Variants in SLC16A12 observed in about 807,000 individuals in gnomAD.
The protein encoded by SLC16A12 is monocarboxylate transporter 12.
Under a neutral mutation model 42.4 loss-of-function variants are expected in SLC16A12, and 17 were observed. That is an observed-to-expected ratio of 0.40 (90% CI 0.27 to 0.60). SLC16A12 has a LOEUF of 0.60. Among genes scored for constraint, SLC16A12 ranks in the 20% least tolerant of loss-of-function variants. SLC16A12 has a pLI of 0.42. For synonymous variants in SLC16A12, 224 were observed against 229.4 expected (o/e 0.98, Z 0.21); for missense variants, 544 against 623.0 (o/e 0.87, Z 1.35).
At chr10:89,435,765 G>A (rs1195892566) in intron 7 of SLC16A12, among the ~76,000 whole-genome samples, 1 of 151,958 alleles carries the variant, frequency 6.6e-6, no homozygotes, top group African/African-American at 2.4e-5. Context: ...TATTTATAAG[G>A]CTGAACAACT....
intron 2 of SLC16A12, among the ~76,000 whole-genome samples, chr10:89,545,611 A>G (rs1308147551): frequency 6.6e-6 from 1 of 152,240 alleles, no homozygotes; most frequent in Non-Finnish European, 1.5e-5. Flanking sequence ...AGGAAGAATC[A>G]ATATTGTGAA....
chr10:89,489,757 A>G (rs1456254755), intron 2 of SLC16A12, among the ~76,000 whole-genome samples: 1 of 152,220 alleles, frequency 6.6e-6, no homozygotes, highest in Non-Finnish European at 1.5e-5. Flanking sequence ...ATTTTACACT[A>G]TATTTTTGAG....
chr10:89,524,035 T>G (rs2133859051), intron 2 of SLC16A12, among the ~76,000 whole-genome samples: 1 of 152,342 alleles, frequency 6.6e-6, no homozygotes, highest in African/African-American at 2.4e-5. Context: ...TGATTTCAAC[T>G]GAGCTTCTTA....
At chr10:89,547,178 T>G (rs17123580) in intron 2 of SLC16A12, among the ~76,000 whole-genome samples, 2,594 of 152,264 alleles carry the variant, frequency 0.017, 140 homozygotes, top group Admixed American at 0.1. Flanking sequence ...TTAAAAAAAT[T>G]CATGCTGCCT....
chr10:89,526,395 C>T (rs894369124), intron 2 of SLC16A12, among the ~76,000 whole-genome samples: 1 of 152,142 alleles, frequency 6.6e-6, no homozygotes, highest in Non-Finnish European at 1.5e-5. Flanking sequence ...ACTGATAACT[C>T]CCAAGCTATA....
upstream of SLC16A12, among the ~76,000 whole-genome samples, chr10:89,540,014 T>TTCC (rs1564604898): frequency 6.6e-6 from 1 of 150,430 alleles, no homozygotes; most frequent in African/African-American, 2.5e-5. Flanking sequence ...TCCTTCCTTC[T>TTCC]TTCCTTCCTT....
chr10:89,555,405 G>A (rs1201076332), intron 2 of SLC16A12, among the ~76,000 whole-genome samples: 1 of 150,146 alleles, frequency 6.7e-6, no homozygotes, highest in African/African-American at 2.5e-5. Context: ...CTATTAACAC[G>A]TGCTGGGTAC....
rs542180978 is a variant in SLC16A12 at position 89,533,734 on chromosome 10, A to T, written c.-47+767T>A. On this transcript the variant is annotated intron_variant, in intron 2 of 7. Coordinates refer to ENST00000371790, the MANE Select transcript of SLC16A12 (RefSeq NM_213606.4). Reference sequence around the variant, plus strand: ...TATATCCATAATATAAAAATAATTTAAAATATTACTTAAAATTAAAGGTTT... The same window carrying T: ...TATATCCATAATATAAAAATAATTTTAAATATTACTTAAAATTAAAGGTTT... Among the ~76,000 whole-genome samples, 3 of 152,128 alleles carry T rather than the reference A, an allele frequency of 2.0e-5. No individual in the cohort carries two copies. The East Asian group carries it at 5.8e-4, about 29-fold the overall frequency.
At chr10:89,448,869 GCCCAAAAGCTCCTTAAGCT>G (rs1842046181) in intron 3 of SLC16A12, among the ~76,000 whole-genome samples, 1 of 152,172 alleles carries the variant, frequency 6.6e-6, no homozygotes, top group South Asian at 2.1e-4. Context: ...CATCGTCTCA[GCCCAAAAGCTCCTTAAGCT>G]GATAAGCAAC....
chr10:89,470,249 G>A (rs372667512), intron 2 of SLC16A12, among the ~76,000 whole-genome samples: 1 of 152,160 alleles, frequency 6.6e-6, no homozygotes, highest in African/African-American at 2.4e-5. Flanking sequence ...AAAGGGAAAC[G>A]GATTTTAAAG....
At chr10:89,485,339 G>A (rs186674960) in intron 2 of SLC16A12, among the ~76,000 whole-genome samples, 19 of 152,308 alleles carry the variant, frequency 1.2e-4, no homozygotes, top group Non-Finnish European at 1.0e-4. Flanking sequence ...TAGACTTAGA[G>A]CAAGAAACTA....
intron 2 of SLC16A12, among the ~76,000 whole-genome samples, chr10:89,506,097 C>T (rs928296024): frequency 6.6e-6 from 1 of 152,190 alleles, no homozygotes; most frequent in African/African-American, 2.4e-5. Flanking sequence ...GATAAAGCCC[C>T]CATCTTCCTG....
intron 2 of SLC16A12, among the ~76,000 whole-genome samples, chr10:89,465,112 A>G (rs148630189): frequency 9.2e-5 from 14 of 152,320 alleles, no homozygotes; most frequent in Admixed American, 2.6e-4. Context: ...TTTACAAAAC[A>G]CTTGCCATAG....
chr10:89,477,035 TTTGTAAGACGGGGGCTTGAATTTC>T (rs1248589826), intron 2 of SLC16A12, among the ~76,000 whole-genome samples: 1 of 152,238 alleles, frequency 6.6e-6, no homozygotes, highest in Non-Finnish European at 1.5e-5. Context: ...GTACTATTTT[TTTGTAAGACGGGGGCTTGAATTTC>T]TGCTGTGAAA....
At chr10:89,442,792 A>T (rs1179328389) in intron 4 of SLC16A12, among the ~76,000 whole-genome samples, 1 of 152,048 alleles carries the variant, frequency 6.6e-6, no homozygotes, top group South Asian at 2.1e-4. Flanking sequence ...GAGTAAATGA[A>T]TTTTTTTTCC....
intron 3 of SLC16A12, among the ~76,000 whole-genome samples, chr10:89,450,468 G>A (rs1842077026): frequency 6.6e-6 from 1 of 152,252 alleles, no homozygotes. Flanking sequence ...TAGGGACATG[G>A]ATGAAGCTGG....
chr10:89,438,724 T>A lies in SLC16A12; in HGVS notation c.908A>T (p.Tyr303Phe). Residue 303 changes from tyrosine to phenylalanine, a missense_variant, in exon 6 of 8, where the codon TAC becomes TTC. Tyr to Phe is a conservative substitution (Grantham distance 22, BLOSUM62 3). Coordinates refer to ENST00000371790, the MANE Select transcript of SLC16A12 (RefSeq NM_213606.4). ...MAYGCSPLFV[Y>F]LVPYALSVGV... ...AACACTCAAAGCATAAGGCACCAAG[T>A]ACACAAAGAGAGGGCTGCAGCCATA... 6.2e-7 allele frequency: 1 copy of A among 1,614,126 alleles called. No individual in the cohort carries two copies. The highest frequency in any genetic ancestry group is 1.1e-5 in the South Asian group (1 of 91,084).
intron 6 of SLC16A12, among the ~76,000 whole-genome samples, chr10:89,438,257 G>T (rs1311913697): frequency 6.6e-6 from 1 of 152,196 alleles, no homozygotes; most frequent in Non-Finnish European, 1.5e-5. Context: ...TGTGACACAT[G>T]AAAATTATAA....
intron 3 of SLC16A12, among the ~76,000 whole-genome samples, chr10:89,448,758 G>A (rs946372859): frequency 1.3e-5 from 2 of 152,174 alleles, no homozygotes; most frequent in East Asian, 1.9e-4. Context: ...TCTGGCCAGG[G>A]CAATCAGGCA....
Sources: gnomAD v4.1 joint callset for allele counts (sites outside exome capture counted in the v4.1 genomes callset) on GRCh38, gnomAD v4.1.1 for gene constraint, MANE v1.5 for transcripts, NCBI Gene and HGNC (gene_info 2026-07-23, HGNC 2026-07-21) for gene names.